The following SLC35D1 variants were observed in gnomAD, a reference collection of about 807,000 sequenced individuals.
SLC35D1 encodes solute carrier family 35 member D1, also known as nucleotide sugar transporter SLC35D1.
Under a neutral mutation model 46.7 loss-of-function variants are expected in SLC35D1, and 31 were observed. The ratio of observed to expected loss-of-function variants is 0.66; its 90% confidence interval spans 0.50 to 0.90. The LOEUF (loss-of-function observed/expected upper bound fraction) is 0.90, where lower values mean the gene tolerates loss of function less well. Among genes scored for constraint, SLC35D1 ranks in the 40% least tolerant of loss-of-function variants. SLC35D1 has a pLI of 0.00. For synonymous variants in SLC35D1, 195 were observed against 164.6 expected, an observed-to-expected ratio of 1.18 and a Z score of -1.41; for missense variants, 397 against 426.2, an observed-to-expected ratio of 0.93 and a Z score of 0.60.
chr1:67,021,412 A>T (rs1047020757), intron 9 of SLC35D1, 123 bp downstream of exon 9: 33 of 989,014 alleles, frequency 3.3e-5, no homozygotes, highest in Non-Finnish European at 4.7e-5. Flanking sequence ...CTGAATCTGG[A>T]GGCTTAATTA....
intron 10 of SLC35D1, among the ~76,000 whole-genome samples, chr1:67,016,124 ATG>A (rs1371885258): frequency 1.3e-5 from 2 of 152,108 alleles, no homozygotes; most frequent in Admixed American, 1.3e-4. Flanking sequence ...ATTTATATAA[ATG>A]TGTTATTAAT....
chr1:66,985,810 T>TA, the SLC35D1 span: 1 of 820,120 alleles, frequency 1.2e-6, no homozygotes, highest in Non-Finnish European at 1.4e-6. Context: ...TAAAGGATTA[T>TA]AAAATTTTTT....
At chr1:67,041,583 G>C (rs1645181660) in intron 8 of SLC35D1, among the ~76,000 whole-genome samples, 1 of 152,156 alleles carries the variant, frequency 6.6e-6, no homozygotes, top group Non-Finnish European at 1.5e-5. Flanking sequence ...TTAGTTTGCA[G>C]AATTTTGTGA....
intron 11 of SLC35D1, chr1:67,008,437 G>A: frequency 1.0e-5 from 13 of 1,288,480 alleles, no homozygotes; most frequent in Non-Finnish European, 1.3e-5. Context: ...AGACCTCTGT[G>A]GCAGATACAG....
At chr1:67,024,365 G>A (rs952661468) in intron 8 of SLC35D1, among the ~76,000 whole-genome samples, 1 of 152,184 alleles carries the variant, frequency 6.6e-6, no homozygotes, top group Non-Finnish European at 1.5e-5. Flanking sequence ...AAACCTGGGT[G>A]TAACCAAAAG....
chr1:66,998,322 C>G (rs548507617), downstream of SLC35D1, among the ~76,000 whole-genome samples: 1 of 152,168 alleles, frequency 6.6e-6, no homozygotes, highest in East Asian at 1.9e-4. Context: ...AAACCCGTCT[C>G]TACTAAAAAT....
chr1:66,976,527 C>A, the SLC35D1 span: 1 of 1,459,828 alleles, frequency 6.9e-7, no homozygotes, highest in Non-Finnish European at 9.2e-7. Context: ...TTTCAAACTT[C>A]AGATGTTTAT....
the SLC35D1 span, chr1:66,986,583 C>T: frequency 1.2e-5 from 11 of 890,164 alleles, no homozygotes; most frequent in East Asian, 2.7e-4. Flanking sequence ...TTACTGTTAA[C>T]ATATGTTCGG....
chr1:67,051,130 T>C (rs571933050), intron 4 of SLC35D1, among the ~76,000 whole-genome samples: 10 of 152,352 alleles, frequency 6.6e-5, no homozygotes, highest in Admixed American at 6.5e-4. Flanking sequence ...ATTTCTTTCC[T>C]GGTGGGTAAT....
the SLC35D1 span, among the ~76,000 whole-genome samples, chr1:66,992,035 G>A: frequency 1.3e-5 from 2 of 152,174 alleles, no homozygotes; most frequent in Non-Finnish European, 1.5e-5. Context: ...TGATCAGGTA[G>A]GTAATAGTAC....
chr1:66,997,187 G>A (rs1667246914), downstream of SLC35D1, among the ~76,000 whole-genome samples: 1 of 152,062 alleles, frequency 6.6e-6, no homozygotes, highest in African/African-American at 2.4e-5. Flanking sequence ...GGTAACCTGT[G>A]GAATGACAGA....
At chr1:66,988,821 C>G in the SLC35D1 span, among the ~76,000 whole-genome samples, 364 of 152,310 alleles carry the variant, frequency 2.4e-3, 2 homozygotes, top group African/African-American at 8.4e-3. Flanking sequence ...TCGGCCTATA[C>G]TTGTACCAGG....
intron 10 of SLC35D1, among the ~76,000 whole-genome samples, chr1:67,012,093 A>C (rs1033859155): frequency 1.2e-4 from 19 of 152,144 alleles, no homozygotes; most frequent in African/African-American, 4.3e-4. Context: ...CCAGTCTAAA[A>C]ATGGCTAGAA....
the SLC35D1 span, chr1:66,985,333 C>T: frequency 2.0e-6 from 2 of 985,458 alleles, no homozygotes; most frequent in Non-Finnish European, 2.4e-6. Context: ...ACCAATTTCT[C>T]TGAGTTTCTT....
intron 8 of SLC35D1, among the ~76,000 whole-genome samples, chr1:67,032,280 G>A (rs1011892966): frequency 2.0e-5 from 3 of 152,008 alleles, no homozygotes; most frequent in East Asian, 1.9e-4. Context: ...CTATAACTAC[G>A]CTTTTATTTT....
intron 11 of SLC35D1, among the ~76,000 whole-genome samples, chr1:67,004,866 A>G (rs1667415306): frequency 6.6e-6 from 1 of 152,148 alleles, no homozygotes; most frequent in Non-Finnish European, 1.5e-5. Context: ...ATAGGCATTA[A>G]TAGGAAACAT....
intron 11 of SLC35D1, among the ~76,000 whole-genome samples, chr1:67,006,005 TTTTA>T (rs530632029): frequency 9.8e-4 from 149 of 152,210 alleles, no homozygotes; most frequent in South Asian, 2.5e-3. Flanking sequence ...TTCTTACACT[TTTTA>T]TTGTCTTTCC....
At chr1:67,052,543 T>C (rs948058004) in intron 3 of SLC35D1, among the ~76,000 whole-genome samples, 1 of 152,166 alleles carries the variant, frequency 6.6e-6, no homozygotes, top group Admixed American at 6.5e-5. Flanking sequence ...CAAGTGTGCA[T>C]TAATTAAAAA....
intron 10 of SLC35D1, among the ~76,000 whole-genome samples, chr1:67,013,885 T>C (rs1220836207): frequency 6.6e-6 from 1 of 152,250 alleles, no homozygotes; most frequent in African/African-American, 2.4e-5. Flanking sequence ...GTTTAAATAC[T>C]TTTAAAAATG....
Sources: allele counts gnomAD v4.1 joint callset (sites outside exome capture counted in the v4.1 genomes callset), GRCh38; gene constraint gnomAD v4.1.1; transcripts MANE v1.5; gene names NCBI Gene and HGNC (gene_info 2026-07-23, HGNC 2026-07-21).